The following ZNF532 variants were observed in gnomAD, a reference collection of about 807,000 sequenced individuals.
ZNF532 encodes zinc finger protein 532.
ZNF532 carries 22 observed loss-of-function variants against 89.3 expected under a neutral mutation model. The observed-to-expected ratio is 0.25, with a 90% CI of 0.18 to 0.35. The LOEUF (loss-of-function observed/expected upper bound fraction) is 0.35. Among genes scored for constraint, ZNF532 ranks in the 10% least tolerant of loss-of-function variants. The pLI, the probability that ZNF532 is intolerant of heterozygous loss-of-function variation, is 1.00. For missense variants in ZNF532, 1,132 were observed against 1,643.4 expected, an observed-to-expected ratio of 0.69 and a Z score of 5.38; for synonymous variants, 606 against 649.6, an observed-to-expected ratio of 0.93 and a Z score of 1.02.
chr18:58,931,412 C>A (rs1224177377), intron 3 of ZNF532, among the ~76,000 whole-genome samples: 1 of 152,172 alleles, frequency 6.6e-6, no homozygotes, highest in Non-Finnish European at 1.5e-5. Flanking sequence ...TCATTATTTT[C>A]ATGAATTCAA....
chr18:58,961,414 T>A (rs920136115), intron 7 of ZNF532, among the ~76,000 whole-genome samples: 1 of 152,216 alleles, frequency 6.6e-6, no homozygotes. Context: ...AACTCAGTGA[T>A]CAAGGCTGTT....
intron 2 of ZNF532, among the ~76,000 whole-genome samples, chr18:58,901,364 C>T (rs573877491): frequency 2.6e-5 from 4 of 152,324 alleles, no homozygotes; most frequent in East Asian, 3.9e-4. Flanking sequence ...GGATTACAGG[C>T]GTGAGCCACT....
At chr18:58,912,629 C>G (rs57892941) in intron 2 of ZNF532, among the ~76,000 whole-genome samples, 2,791 of 152,106 alleles carry the variant, frequency 0.018, 102 homozygotes, top group African/African-American at 0.063. Context: ...CTGGCTGTCT[C>G]GACTTAATCA....
chr18:58,943,149 T>C (rs2063345871), intron 5 of ZNF532, among the ~76,000 whole-genome samples: 1 of 149,428 alleles, frequency 6.7e-6, no homozygotes, highest in South Asian at 2.1e-4. Context: ...TGACTGTCCA[T>C]TACTATATCT....
chr18:58,880,877 A>G (rs2057868357), intron 2 of ZNF532, among the ~76,000 whole-genome samples: 2 of 152,074 alleles, frequency 1.3e-5, no homozygotes, highest in Non-Finnish European at 2.9e-5. Flanking sequence ...GATTAAGCAC[A>G]TAGTTTAGCA....
intron 2 of ZNF532, among the ~76,000 whole-genome samples, chr18:58,866,453 C>A (rs900799863): frequency 3.3e-5 from 5 of 152,138 alleles, no homozygotes; most frequent in Admixed American, 1.3e-4. Flanking sequence ...CTGCAACTTC[C>A]CCAAACAGGA....
chr18:58,871,991 T>C (rs998158360), intron 2 of ZNF532, among the ~76,000 whole-genome samples: 2 of 152,222 alleles, frequency 1.3e-5, no homozygotes, highest in African/African-American at 2.4e-5. Flanking sequence ...TAAACACAGT[T>C]TAAAGAATTC....
rs1392295825 is a variant in ZNF532, at chr18:58,918,708, G to A, written c.421G>A (p.Asp141Asn). 22 of 1,614,002 alleles carry A rather than the reference G, an allele frequency of 1.4e-5. No individual in the cohort carries two copies. Among genetic ancestry groups the A allele is most frequent in the African/African-American group, 6.7e-5 (5 of 74,886 alleles). The change falls in exon 3 of 10, where the codon GAC becomes AAC. Residue 141 changes from aspartate to asparagine, a missense_variant. Transcript: ENST00000591808. ...CTCCAGTGCTGAAGAGTTTGATGAC[G>A]ACGAGAAGATTGAGGTGGATGACCC... ...PISSAEEFDD[D>N]EKIEVDDPPD...
chr18:58,910,138 A>G (rs769648106), intron 2 of ZNF532, among the ~76,000 whole-genome samples: 1 of 152,210 alleles, frequency 6.6e-6, no homozygotes, highest in Non-Finnish European at 1.5e-5. Context: ...CATTTACCCA[A>G]CTTTACTTAA....
At chr18:58,888,346 A>G (rs964594412) in intron 2 of ZNF532, among the ~76,000 whole-genome samples, 1 of 152,134 alleles carries the variant, frequency 6.6e-6, no homozygotes, top group Admixed American at 6.6e-5. Context: ...TTATAAATAT[A>G]AAATCAGATA....
chr18:58,915,129 AG>A (rs1224187097), intron 2 of ZNF532, among the ~76,000 whole-genome samples: 1 of 152,246 alleles, frequency 6.6e-6, no homozygotes, highest in African/African-American at 2.4e-5. Context: ...AAACCAAAAA[AG>A]AAGTGTGAAG....
chr18:58,941,238 A>G (rs1830361506), intron 5 of ZNF532, among the ~76,000 whole-genome samples: 1 of 152,046 alleles, frequency 6.6e-6, no homozygotes, highest in Non-Finnish European at 1.5e-5. Flanking sequence ...GGACTGTTAG[A>G]CTTGTGGGTA....
At chr18:58,903,120 A>G (rs745531775) in intron 2 of ZNF532, among the ~76,000 whole-genome samples, 2 of 152,230 alleles carry the variant, frequency 1.3e-5, no homozygotes, top group Non-Finnish European at 2.9e-5. Flanking sequence ...TAACCCTGTG[A>G]TACGGCTGTT....
Position 58,918,274 on chromosome 18 carries a change from A to C in ZNF532, c.-14A>C, listed in dbSNP as rs761906578. ...CTATTTTCTGCTCATTTAACAGAAC[A>C]TCTGCTCAAATTAATGACCATGGGG... On this transcript the variant is annotated 5_prime_UTR_variant, in exon 3 of 10. Transcript: ENST00000591808. 1 of 1,606,948 alleles carries C rather than the reference A, an allele frequency of 6.2e-7. No homozygotes were observed. Among genetic ancestry groups the C allele is most frequent in the South Asian group, 1.1e-5 (1 of 90,716 alleles).
Position 58,918,763 on chromosome 18 carries a change from T to G in ZNF532, c.476T>G (p.Phe159Cys). The change falls in exon 3 of 10, where the codon TTC becomes TGC. Residue 159 changes from phenylalanine (F) to cysteine (C), a missense_variant. Coordinates refer to ENST00000591808, the MANE Select transcript of ZNF532 (RefSeq NM_001375912.1). ...PPDKEDMRSS[F>C]RSNVLTGSAP... Reference sequence around the variant, plus strand: ...GACAAGGAGGACATGCGATCAAGCTTCAGGTCGAATGTGTTGACGGGGTCG... The same window carrying G: ...GACAAGGAGGACATGCGATCAAGCTGCAGGTCGAATGTGTTGACGGGGTCG... 1 of 1,614,068 alleles carries G rather than the reference T, an allele frequency of 6.2e-7. No individual in the cohort carries two copies. The highest frequency in any genetic ancestry group is 8.5e-7 in the Non-Finnish European group (1 of 1,180,012).
Position 58,918,956 on chromosome 18 carries a change from A to G in ZNF532, c.669A>G (p.Ala223=), listed in dbSNP as rs753867271. ...ATGAACCTTTTAAAGTCAGAAAAGC[A>G]GAGGATAAATTGAAGGAAAGCTCTG... ...SVYEPFKVRK[A]EDKLKESSDK... Residue 223 remains alanine, a synonymous_variant, in exon 3 of 10, where the codon GCA becomes GCG. Coordinates refer to ENST00000591808, the MANE Select transcript of ZNF532 (RefSeq NM_001375912.1). The G allele has an allele frequency of 6.2e-7, 1 of 1,613,850 alleles. No homozygotes were observed. The highest frequency in any genetic ancestry group is 1.7e-5 in the Admixed American group (1 of 60,026).
At chr18:58,966,655 C>T (rs376011790) in intron 7 of ZNF532, among the ~76,000 whole-genome samples, 2 of 151,282 alleles carry the variant, frequency 1.3e-5, no homozygotes, top group Non-Finnish European at 1.5e-5. Context: ...AAGACTAACA[C>T]GTTATTTTGA....
intron 2 of ZNF532, among the ~76,000 whole-genome samples, chr18:58,891,773 C>T (rs751694911): frequency 6.6e-6 from 1 of 152,128 alleles, no homozygotes; most frequent in Non-Finnish European, 1.5e-5. Context: ...TGTTGTTGAA[C>T]GTGCCATCCT....
At chr18:58,871,087 C>T (rs912997438) in intron 2 of ZNF532, among the ~76,000 whole-genome samples, 3 of 152,060 alleles carry the variant, frequency 2.0e-5, no homozygotes, top group Admixed American at 6.5e-5. Context: ...AAACCATAAA[C>T]GAAGCGGCAG....
Sources: allele counts gnomAD v4.1 joint callset (sites outside exome capture counted in the v4.1 genomes callset), GRCh38; gene constraint gnomAD v4.1.1; transcripts MANE v1.5; gene names NCBI Gene and HGNC (gene_info 2026-07-23, HGNC 2026-07-21).